The following NALF1 variants were observed in gnomAD, a reference collection of about 807,000 sequenced individuals.
NALF1 encodes the protein family with sequence similarity 155 member A.
NALF1 carries 3 observed loss-of-function variants against 48.4 expected under a neutral mutation model. The observed-to-expected ratio is 0.06, with a 90% CI of 0.03 to 0.16. The LOEUF (loss-of-function observed/expected upper bound fraction) is 0.16, where lower values mean the gene tolerates loss of function less well. NALF1 is among the 10% of genes least tolerant of loss of function. The probability of loss-of-function intolerance (pLI) is 1.00; values close to 1 mark genes in which losing one functional copy is unlikely to be tolerated. For missense variants in NALF1, 526 were observed against 571.5 expected (o/e 0.92, Z 0.81); for synonymous variants, 262 against 245.7 (o/e 1.07, Z -0.62).
At chr13:107,311,971 G>A (rs1004426577) in intron 1 of NALF1, among the ~76,000 whole-genome samples, 2 of 152,194 alleles carry the variant, frequency 1.3e-5, no homozygotes, top group Admixed American at 6.5e-5. Context: ...TACACTGTTG[G>A]TGGGACTGTA....
At chr13:107,297,360 A>C (rs1037810189) in intron 1 of NALF1, among the ~76,000 whole-genome samples, 11 of 152,316 alleles carry the variant, frequency 7.2e-5, no homozygotes, top group Non-Finnish European at 1.3e-4. Context: ...TTACCAGTAA[A>C]ATCATTGAGA....
At chr13:107,417,387 A>C (rs555210395) in intron 1 of NALF1, among the ~76,000 whole-genome samples, 1 of 151,988 alleles carries the variant, frequency 6.6e-6, no homozygotes, top group South Asian at 2.1e-4. Flanking sequence ...TCAGGTCTTC[A>C]TAAAAGTAGG....
chr13:107,238,376 G>A (rs187874165), intron 1 of NALF1, among the ~76,000 whole-genome samples: 230 of 152,238 alleles, frequency 1.5e-3, no homozygotes, highest in Non-Finnish European at 2.3e-3. Context: ...TGAGTAGCAC[G>A]GCTTTTTGTT....
chr13:107,432,931 G>A (rs1884406157), intron 1 of NALF1, among the ~76,000 whole-genome samples: 1 of 152,128 alleles, frequency 6.6e-6, no homozygotes, highest in Admixed American at 6.6e-5. Flanking sequence ...ATCTCCTGAA[G>A]TCTTCTTAAT....
intron 1 of NALF1, among the ~76,000 whole-genome samples, chr13:107,608,130 G>T (rs1879122367): frequency 6.6e-6 from 1 of 152,108 alleles, no homozygotes; most frequent in East Asian, 1.9e-4. Flanking sequence ...TTATTTTGAT[G>T]AACAGAATGT....
chr13:107,698,840 C>T (rs773096317), intron 1 of NALF1, among the ~76,000 whole-genome samples: 1 of 152,032 alleles, frequency 6.6e-6, no homozygotes, highest in Non-Finnish European at 1.5e-5. Context: ...GGAGCACACC[C>T]CTCCTTTTTC....
intron 1 of NALF1, among the ~76,000 whole-genome samples, chr13:107,592,706 T>C (rs1878631603): frequency 6.6e-6 from 1 of 151,926 alleles, no homozygotes; most frequent in Non-Finnish European, 1.5e-5. Flanking sequence ...GTTGTTATCA[T>C]CAACTTCTAA....
chr13:107,299,928 T>G (rs989592798), intron 1 of NALF1, among the ~76,000 whole-genome samples: 22 of 152,194 alleles, frequency 1.4e-4, no homozygotes, highest in Non-Finnish European at 1.5e-5. Context: ...ATCTTGCATT[T>G]TCCTTGCCCC....
In NALF1 at chr13:107,368,905, C is replaced by T. The variant is rs565788592; in HGVS notation, c.916-158150G>A. Reference sequence around the variant, plus strand: ...TTTTAACTTCACCTCCTACAATGCCCATCCCCTCAGTGCATCATACTCTAC... The same window carrying T: ...TTTTAACTTCACCTCCTACAATGCCTATCCCCTCAGTGCATCATACTCTAC... On this transcript the variant is annotated intron_variant, in intron 1 of 2. Coordinates refer to ENST00000375915, the MANE Select transcript of NALF1 (RefSeq NM_001080396.3). Among the ~76,000 whole-genome samples the T allele has an allele frequency of 3.3e-5, 5 of 152,284 alleles. No homozygotes were observed. In the East Asian group the frequency reaches 9.7e-4, roughly 30 times the overall value.
chr13:107,833,090 G>C (rs953756103), intron 1 of NALF1, among the ~76,000 whole-genome samples: 4 of 152,156 alleles, frequency 2.6e-5, no homozygotes, highest in African/African-American at 7.2e-5. Flanking sequence ...TACCCGCCCT[G>C]CAGTTTTCTG....
chr13:107,292,858 C>T (rs1881649812), intron 1 of NALF1, among the ~76,000 whole-genome samples: 1 of 152,198 alleles, frequency 6.6e-6, no homozygotes, highest in African/African-American at 2.4e-5. Flanking sequence ...TTTTATATGA[C>T]AGACAGTGCA....
At chr13:107,687,266 A>G (rs950168987) in intron 1 of NALF1, among the ~76,000 whole-genome samples, 1 of 152,078 alleles carries the variant, frequency 6.6e-6, no homozygotes, top group African/African-American at 2.4e-5. Flanking sequence ...ATGGACATAA[A>G]GATGGAAACA....
At chr13:107,742,185 G>A (rs747325474) in intron 1 of NALF1, among the ~76,000 whole-genome samples, 39 of 152,228 alleles carry the variant, frequency 2.6e-4, no homozygotes, top group Admixed American at 8.5e-4. Flanking sequence ...TCCTGCAATC[G>A]CCTTGTCCTT....
At chr13:107,496,066 T>C (rs1238530314) in intron 1 of NALF1, among the ~76,000 whole-genome samples, 1 of 152,120 alleles carries the variant, frequency 6.6e-6, no homozygotes, top group Non-Finnish European at 1.5e-5. Flanking sequence ...ATTCTGGTAA[T>C]ATATATTACC....
intron 2 of NALF1, among the ~76,000 whole-genome samples, chr13:107,188,401 TAA>T (rs964288491): frequency 6.6e-6 from 1 of 151,890 alleles, no homozygotes; most frequent in African/African-American, 2.4e-5. Context: ...GGTAAAACAA[TAA>T]GAGAGGCCAA....
intron 2 of NALF1, among the ~76,000 whole-genome samples, chr13:107,188,280 A>T (rs900349749): frequency 6.6e-6 from 1 of 152,336 alleles, no homozygotes; most frequent in Non-Finnish European, 1.5e-5. Flanking sequence ...ACAAAAAATT[A>T]AAAACATCAT....
At chr13:107,653,781 A>G (rs13378212) in intron 1 of NALF1, among the ~76,000 whole-genome samples, 1,698 of 152,076 alleles carry the variant, frequency 0.011, 23 homozygotes, top group South Asian at 0.043. Flanking sequence ...TCCCCATCTC[A>G]CACCACACAC....
intron 2 of NALF1, among the ~76,000 whole-genome samples, chr13:107,181,232 C>T (rs964826614): frequency 1.3e-5 from 2 of 151,350 alleles, no homozygotes; most frequent in East Asian, 2.0e-4. Context: ...CTTCATCTTT[C>T]GTTTAATTTT....
intron 1 of NALF1, among the ~76,000 whole-genome samples, chr13:107,212,242 A>T (rs2138806314): frequency 1.3e-5 from 2 of 152,354 alleles, no homozygotes; most frequent in Middle Eastern, 6.8e-3. Flanking sequence ...TGAGATAAAT[A>T]TCAAAGTGAG....
Sources: gnomAD v4.1 joint callset for allele counts (sites outside exome capture counted in the v4.1 genomes callset) on GRCh38, gnomAD v4.1.1 for gene constraint, MANE v1.5 for transcripts, NCBI Gene and HGNC (gene_info 2026-07-23, HGNC 2026-07-21) for gene names.